Variants in BNC1 observed in about 807,000 individuals in gnomAD.
The protein encoded by BNC1 is basonuclin zinc finger protein 1.
In BNC1, 8 loss-of-function variants were observed where a neutral mutation model predicts 66.5. The ratio of observed to expected loss-of-function variants is 0.12; its 90% CI spans 0.07 to 0.22. BNC1 has a LOEUF of 0.22. BNC1 is among the 10% of genes least tolerant of loss of function. The pLI, the probability that BNC1 is intolerant of heterozygous loss-of-function variation, is 1.00. For synonymous variants in BNC1, 454 were observed against 452.6 expected (o/e 1.00, Z -0.04); for missense variants, 1,069 against 1,241.3 (o/e 0.86, Z 2.09).
chr15:83,270,144 T>G (rs1301907900), intron 1 of BNC1, among the ~76,000 whole-genome samples: 1 of 152,180 alleles, frequency 6.6e-6, no homozygotes, highest in East Asian at 1.9e-4. Context: ...TTGGTTTGTT[T>G]TCATCTTTGA....
intron 1 of BNC1, among the ~76,000 whole-genome samples, chr15:83,276,163 T>TG (rs2038320955): frequency 6.6e-6 from 1 of 152,174 alleles, no homozygotes; most frequent in Non-Finnish European, 1.5e-5. Flanking sequence ...GATACACAGA[T>TG]GGGGAGCTGA....
Position 83,264,497 on chromosome 15 carries a change from G to A in BNC1, c.754C>T (p.Leu252=), listed in dbSNP as rs541273245. ...AATGACCCTATCAGTGCAGGAGGCA[G>A]AGGGTTGAAGAACTGGAAAGGCAGC... The part of the protein sequence containing the change: ...FMLPFQFFNP[L]PPALIGSLPE... The change falls in exon 4 of 5, where the codon CTG becomes TTG. Residue 252 remains leucine (L), a synonymous_variant. Transcript: ENST00000345382. 3.0e-5 allele frequency: 49 copies of A among 1,614,082 alleles called. No individual in the cohort carries two copies. The highest frequency in any genetic ancestry group is 3.8e-5 in the Non-Finnish European group (45 of 1,180,050).
chr15:83,280,397 A>G (rs1352856772), intron 1 of BNC1, among the ~76,000 whole-genome samples: 2 of 152,212 alleles, frequency 1.3e-5, no homozygotes, highest in African/African-American at 4.8e-5. Flanking sequence ...AAACACTTAC[A>G]CTTTAGCATA....
chr15:83,277,928 T>C (rs1342881645), intron 1 of BNC1, among the ~76,000 whole-genome samples: 2 of 152,198 alleles, frequency 1.3e-5, no homozygotes, highest in Non-Finnish European at 2.9e-5. Flanking sequence ...ACTGGATTTT[T>C]TTTTTCTCCT....
chr15:83,266,269 G>C (rs1026188864), intron 3 of BNC1, among the ~76,000 whole-genome samples: 72 of 151,330 alleles, frequency 4.8e-4, no homozygotes, highest in African/African-American at 1.7e-3. Context: ...GAGGGAGGGA[G>C]GGAGGGAGAC....
intron 1 of BNC1, among the ~76,000 whole-genome samples, chr15:83,270,612 T>C (rs1297014430): frequency 6.6e-6 from 1 of 152,238 alleles, no homozygotes; most frequent in African/African-American, 2.4e-5. Context: ...CATGTGCTTA[T>C]TGGCCATTTG....
chr15:83,271,519 C>A (rs891719904), intron 1 of BNC1, among the ~76,000 whole-genome samples: 4 of 152,186 alleles, frequency 2.6e-5, no homozygotes, highest in African/African-American at 9.6e-5. Flanking sequence ...ATACAAAAAA[C>A]TCCATGTGAT....
chr15:83,258,664 T>A (rs934311194), intron 4 of BNC1, among the ~76,000 whole-genome samples: 1 of 152,132 alleles, frequency 6.6e-6, no homozygotes, highest in Non-Finnish European at 1.5e-5. Context: ...AGAAAACTGG[T>A]CACAAACTAT....
chr15:83,271,502 C>T (rs2038269563), intron 1 of BNC1, among the ~76,000 whole-genome samples: 1 of 152,104 alleles, frequency 6.6e-6, no homozygotes, highest in South Asian at 2.1e-4. Flanking sequence ...GTAAACTGTA[C>T]AGTATAATAC....
intron 1 of BNC1, among the ~76,000 whole-genome samples, chr15:83,271,212 G>T (rs1426438976): frequency 6.6e-6 from 1 of 152,118 alleles, no homozygotes; most frequent in Non-Finnish European, 1.5e-5. Flanking sequence ...GGAGGTAGGG[G>T]TTGCAGCCTG....
chr15:83,266,256 GGGGAGGGA>G (rs150480242), intron 3 of BNC1, among the ~76,000 whole-genome samples: 3 of 150,838 alleles, frequency 2.0e-5, no homozygotes, highest in Admixed American at 1.3e-4. Flanking sequence ...ACTGGGGTGT[GGGGAGGGA>G]GGGAGGGAGG....
intron 2 of BNC1, among the ~76,000 whole-genome samples, chr15:83,267,740 A>G (rs1285872847): frequency 6.6e-6 from 1 of 152,238 alleles, no homozygotes; most frequent in Non-Finnish European, 1.5e-5. Flanking sequence ...GGTAGGATAT[A>G]CATATACTAA....
chr15:83,283,831 G>A (rs1459240027), intron 1 of BNC1, among the ~76,000 whole-genome samples: 1 of 152,242 alleles, frequency 6.6e-6, no homozygotes, highest in Non-Finnish European at 1.5e-5. Context: ...TCTGTGTCCC[G>A]GAAGCTTTCG....
chr15:83,265,706 G>A (rs2038210580), intron 3 of BNC1, among the ~76,000 whole-genome samples: 1 of 152,140 alleles, frequency 6.6e-6, no homozygotes, highest in Admixed American at 6.6e-5. Flanking sequence ...GAAGATTATG[G>A]TCTTTTGAGT....
At chr15:83,282,118 G>T (rs1463125069) in intron 1 of BNC1, among the ~76,000 whole-genome samples, 1 of 152,132 alleles carries the variant, frequency 6.6e-6, no homozygotes, top group African/African-American at 2.4e-5. Context: ...TAGTCTGAAG[G>T]GACACTATAG....
At chr15:83,282,953 G>A (rs1175447594) in intron 1 of BNC1, among the ~76,000 whole-genome samples, 1 of 152,112 alleles carries the variant, frequency 6.6e-6, no homozygotes, top group Non-Finnish European at 1.5e-5. Flanking sequence ...AACAGCAAGA[G>A]GCCTGGCTGA....
chr15:83,261,065 A>G (rs1047385037), intron 4 of BNC1, among the ~76,000 whole-genome samples: 2 of 152,242 alleles, frequency 1.3e-5, no homozygotes, highest in Non-Finnish European at 2.9e-5. Flanking sequence ...ATGAAAAAGT[A>G]TCTTGAATCC....
chr15:83,257,554 C>CATT lies in BNC1; in HGVS notation c.2870_2872dup (p.Lys957_Cys958insTer). ...CATGGTGTTGCAGCCTGGTACTTTG[C>CATT]ATTTGTGGAGCTGCCGGAGGTGCAC... On this transcript the variant is annotated stop_gained, in exon 5 of 5. Transcript: ENST00000345382. LOFTEE classifies it high-confidence loss of function. The CATT allele has an allele frequency of 6.2e-7, 1 of 1,614,096 alleles. No individual in the cohort carries two copies. The highest frequency in any genetic ancestry group is 2.2e-5 in the East Asian group (1 of 44,868).
chr15:83,261,925 C>T (rs1179976445), intron 4 of BNC1, among the ~76,000 whole-genome samples: 1 of 152,012 alleles, frequency 6.6e-6, no homozygotes, highest in Non-Finnish European at 1.5e-5. Flanking sequence ...TTCATATTAT[C>T]AAATGAAAAT....
Sources: allele counts gnomAD v4.1 joint callset (sites outside exome capture counted in the v4.1 genomes callset), GRCh38; gene constraint gnomAD v4.1.1; transcripts MANE v1.5; gene names NCBI Gene and HGNC (gene_info 2026-07-23, HGNC 2026-07-21).